NEDD4L: variants seen among roughly 807,000 people sequenced by gnomAD.
NEDD4L encodes NEDD4 like E3 ubiquitin protein ligase.
Under a neutral mutation model 148.9 loss-of-function variants are expected in NEDD4L, and 54 were observed. The observed-to-expected ratio is 0.36, with a 90% CI of 0.29 to 0.45. The LOEUF (loss-of-function observed/expected upper bound fraction) is 0.45, where lower values mean the gene tolerates loss of function less well. NEDD4L is among the 20% of genes least tolerant of loss of function. The pLI, the probability that NEDD4L is intolerant of heterozygous loss-of-function variation, is 1.00. For missense variants in NEDD4L, 856 were observed against 1,233.8 expected, an observed-to-expected ratio of 0.69 and a Z score of 4.59; for synonymous variants, 433 against 440.7, an observed-to-expected ratio of 0.98 and a Z score of 0.22.
intron 2 of NEDD4L, among the ~76,000 whole-genome samples, chr18:58,207,394 C>A (rs771864157): frequency 6.6e-6 from 1 of 151,940 alleles, no homozygotes; most frequent in South Asian, 2.1e-4. Flanking sequence ...CTCCTACTTA[C>A]AGTTCTGGAG....
intron 1 of NEDD4L, among the ~76,000 whole-genome samples, chr18:58,048,935 G>A (rs1428066360): frequency 2.6e-5 from 4 of 152,102 alleles, no homozygotes; most frequent in Non-Finnish European, 4.4e-5. Context: ...AACCTTTGGC[G>A]TGGATGCCAT....
At chr18:58,240,898 C>T (rs977841999) in intron 2 of NEDD4L, among the ~76,000 whole-genome samples, 1 of 152,168 alleles carries the variant, frequency 6.6e-6, no homozygotes, top group African/African-American at 2.4e-5. Flanking sequence ...CAACCTCCCC[C>T]TCCTGGATTC....
chr18:58,099,186 C>CTTT (rs1011982856), intron 1 of NEDD4L, among the ~76,000 whole-genome samples: 47 of 147,718 alleles, frequency 3.2e-4, no homozygotes, highest in African/African-American at 1.1e-3. Flanking sequence ...CCCCAGTGTC[C>CTTT]TTTTTTTTTT....
intron 1 of NEDD4L, among the ~76,000 whole-genome samples, chr18:58,119,699 C>T (rs569125): frequency 0.57 from 86,689 of 152,170 alleles, 25,089 homozygotes; most frequent in East Asian, 0.75. Flanking sequence ...CTGTCCAGTT[C>T]GCCTAGCTAT....
rs1297300298 is a variant in NEDD4L, at chr18:58,044,513, C to T, written c.-148C>T. On this transcript the variant is annotated 5_prime_UTR_variant, in exon 1 of 31. Coordinates refer to ENST00000400345, the MANE Select transcript of NEDD4L (RefSeq NM_001144967.3). ...AGGGCGCGCTCTCGGGCACCCTCAC[C>T]TGCCGGCGCCCGGCCGCTTACCCGG... 2.6e-6 allele frequency: 3 copies of T among 1,150,372 alleles called. No individual in the cohort carries two copies. Among genetic ancestry groups the T allele is most frequent in the South Asian group, 4.0e-5 (1 of 24,916 alleles). The allele number at this position is 1,150,372 out of a possible 1,614,324, so 71.3% of individuals were successfully genotyped here.
chr18:58,308,936 G>A (rs542130468), intron 5 of NEDD4L, among the ~76,000 whole-genome samples: 24 of 152,332 alleles, frequency 1.6e-4, no homozygotes, highest in South Asian at 6.2e-4. Context: ...CTGGGACACC[G>A]CACCTTCCGT....
chr18:58,259,342 A>G (rs557462904), intron 5 of NEDD4L, among the ~76,000 whole-genome samples: 3 of 152,356 alleles, frequency 2.0e-5, no homozygotes, highest in Admixed American at 6.5e-5. Context: ...ATAATCAGTT[A>G]AAAATTTTCA....
At chr18:58,089,402 T>G (rs537122334) in intron 1 of NEDD4L, among the ~76,000 whole-genome samples, 5 of 152,140 alleles carry the variant, frequency 3.3e-5, no homozygotes, top group Non-Finnish European at 7.3e-5. Flanking sequence ...TCCAAAGAGC[T>G]GGGATTACAG....
intron 11 of NEDD4L, among the ~76,000 whole-genome samples, chr18:58,331,262 C>G (rs541639859): frequency 6.6e-6 from 1 of 152,306 alleles, no homozygotes; most frequent in East Asian, 1.9e-4. Flanking sequence ...AAAATAGTAC[C>G]TTTATCACAA....
intron 2 of NEDD4L, among the ~76,000 whole-genome samples, chr18:58,226,430 T>C (rs768344254): frequency 5.9e-5 from 9 of 152,192 alleles, no homozygotes; most frequent in Admixed American, 1.3e-4. Flanking sequence ...CAAGTCAAAA[T>C]TGATTATAGT....
At chr18:58,090,270 T>G (rs915063710) in intron 1 of NEDD4L, among the ~76,000 whole-genome samples, 5 of 152,222 alleles carry the variant, frequency 3.3e-5, no homozygotes, top group Admixed American at 2.0e-4. Context: ...GTGACTAGTT[T>G]AGGGACCCAG....
rs536656017 is a variant in NEDD4L, at chr18:58,251,892, A to G, written c.244-109A>G. 1.0e-5 allele frequency: 7 copies of G among 682,368 alleles called. No homozygotes were observed. The East Asian group carries it at 1.8e-4, about 18-fold the overall frequency. The allele number at this position is 682,368 out of a possible 1,614,324, so 42.3% of individuals were successfully genotyped here. On this transcript the variant is annotated intron_variant, in intron 4 of 30. Transcript: ENST00000400345. ...ACAGCAGGATAATTGTTCATATTAT[A>G]CAATTGAGTTGGGCGCATTGTAAAG...
intron 2 of NEDD4L, among the ~76,000 whole-genome samples, chr18:58,185,625 A>G (rs2039378873): frequency 1.3e-5 from 2 of 152,164 alleles, no homozygotes; most frequent in Non-Finnish European, 1.5e-5. Flanking sequence ...TGTAATCCCA[A>G]CACTTTGGGA....
intron 2 of NEDD4L, among the ~76,000 whole-genome samples, chr18:58,207,479 C>T (rs1360240161): frequency 7.9e-6 from 1 of 126,956 alleles, no homozygotes; most frequent in South Asian, 2.8e-4. Context: ...AGTGGATGGC[C>T]TACAGGGTTG....
intron 1 of NEDD4L, among the ~76,000 whole-genome samples, chr18:58,117,259 G>T (rs1207440017): frequency 6.6e-6 from 1 of 152,168 alleles, no homozygotes; most frequent in East Asian, 1.9e-4. Context: ...AGTTGCCTTG[G>T]AGCAGGAAAA....
At chr18:58,354,879 T>TGGG (rs1330305866) in intron 18 of NEDD4L, among the ~76,000 whole-genome samples, 1 of 152,060 alleles carries the variant, frequency 6.6e-6, no homozygotes, top group African/African-American at 2.4e-5. Flanking sequence ...AAACACTGAG[T>TGGG]AGGATTGAGG....
chr18:58,070,519 C>T (rs2082811934), intron 1 of NEDD4L, among the ~76,000 whole-genome samples: 3 of 151,960 alleles, frequency 2.0e-5, no homozygotes, highest in African/African-American at 4.8e-5. Context: ...AGTAAATGTT[C>T]CTTGACGACT....
At chr18:58,156,403 A>G (rs1237966730) in intron 1 of NEDD4L, among the ~76,000 whole-genome samples, 2 of 152,224 alleles carry the variant, frequency 1.3e-5, no homozygotes, top group African/African-American at 2.4e-5. Context: ...GCTTTTCACT[A>G]TGAAATAGAT....
intron 2 of NEDD4L, among the ~76,000 whole-genome samples, chr18:58,214,710 G>GT (rs1176415154): frequency 6.7e-6 from 1 of 150,140 alleles, no homozygotes; most frequent in Non-Finnish European, 1.5e-5. Flanking sequence ...GAGCTTTGGG[G>GT]TTTTTTCTCT....
Sources: gnomAD v4.1 joint callset for allele counts (sites outside exome capture counted in the v4.1 genomes callset) on GRCh38, gnomAD v4.1.1 for gene constraint, MANE v1.5 for transcripts, NCBI Gene and HGNC (gene_info 2026-07-23, HGNC 2026-07-21) for gene names.